Variants in SND1 observed in about 807,000 individuals in gnomAD.
SND1 encodes the protein staphylococcal nuclease domain-containing protein 1.
Under a neutral mutation model 121.7 loss-of-function variants are expected in SND1, and 38 were observed. The observed-to-expected ratio is 0.31, with a 90% CI of 0.24 to 0.41. SND1 has a LOEUF of 0.41. SND1 is among the 10% of genes least tolerant of loss of function. The pLI is 1.00. For synonymous variants in SND1, 401 were observed against 447.4 expected, an observed-to-expected ratio of 0.90 and a Z score of 1.31; for missense variants, 868 against 1,184.6, an observed-to-expected ratio of 0.73 and a Z score of 3.92.
intron 19 of SND1, 26 bp downstream of exon 19, chr7:128,084,873 GA>G: frequency 6.3e-7 from 1 of 1,581,594 alleles, no homozygotes; most frequent in Non-Finnish European, 8.6e-7. Flanking sequence ...AAGCAAGGCA[GA>G]GTCTTGAGCA....
chr7:128,048,447 C>G (rs1221165507), intron 16 of SND1, among the ~76,000 whole-genome samples: 1 of 152,076 alleles, frequency 6.6e-6, no homozygotes, highest in Non-Finnish European at 1.5e-5. Flanking sequence ...CCAGAGCAGG[C>G]CTCATGTATG....
At chr7:127,759,057 A>ATAG (rs111844615) in intron 10 of SND1, among the ~76,000 whole-genome samples, 4 of 145,390 alleles carry the variant, frequency 2.8e-5, no homozygotes, top group African/African-American at 7.7e-5. Flanking sequence ...CTGTCTCAAA[A>ATAG]ATAGATAGAT....
At chr7:128,031,151 G>T (rs986798998) in intron 16 of SND1, 1 of 152,708 alleles carries the variant, frequency 6.5e-6, no homozygotes, top group Non-Finnish European at 1.5e-5. Flanking sequence ...GCGCCTGGGA[G>T]AGCCAAGGCC....
intron 12 of SND1, among the ~76,000 whole-genome samples, chr7:127,850,931 A>AG (rs1799154463): frequency 6.6e-6 from 1 of 152,236 alleles, no homozygotes; most frequent in African/African-American, 2.4e-5. Context: ...CACTATAAGA[A>AG]GGAACTTGGC....
At chr7:127,928,932 A>G (rs1307522649) in intron 14 of SND1, among the ~76,000 whole-genome samples, 1 of 152,194 alleles carries the variant, frequency 6.6e-6, no homozygotes, top group African/African-American at 2.4e-5. Flanking sequence ...TTCTTGCCCC[A>G]GAGAACTCTG....
chr7:127,796,446 G>A (rs1208701894), intron 10 of SND1, among the ~76,000 whole-genome samples: 1 of 152,054 alleles, frequency 6.6e-6, no homozygotes, highest in Non-Finnish European at 1.5e-5. Flanking sequence ...GATATTTCTA[G>A]GAATGTGGCA....
intron 5 of SND1, 36 bp downstream of exon 5, chr7:127,701,359 G>A: frequency 6.3e-7 from 1 of 1,595,038 alleles, no homozygotes. Context: ...ACGACTCAGG[G>A]TGATTTCTTT....
At chr7:127,761,699 A>G (rs185549936) in intron 10 of SND1, among the ~76,000 whole-genome samples, 23 of 152,314 alleles carry the variant, frequency 1.5e-4, no homozygotes, top group South Asian at 6.2e-4. Context: ...CTTTATACCC[A>G]TCTTTCCTTG....
intron 16 of SND1, among the ~76,000 whole-genome samples, chr7:128,024,027 C>G (rs1315574307): frequency 6.7e-6 from 1 of 149,652 alleles, no homozygotes; most frequent in Non-Finnish European, 1.5e-5. Flanking sequence ...GGAAGACTGG[C>G]TACAGAGTCT....
intron 11 of SND1, among the ~76,000 whole-genome samples, chr7:127,823,843 T>A (rs115377354): frequency 6.0e-4 from 92 of 152,342 alleles, no homozygotes; most frequent in African/African-American, 2.0e-3. Context: ...ATTTAGATAA[T>A]ATTATAAAGT....
chr7:127,804,756 T>A (rs1028906649), intron 10 of SND1, among the ~76,000 whole-genome samples: 3 of 146,166 alleles, frequency 2.1e-5, no homozygotes, highest in East Asian at 2.1e-4. Context: ...AAAAAAAAAA[T>A]GTAGGTAAGT....
intron 15 of SND1, among the ~76,000 whole-genome samples, chr7:127,987,311 C>A (rs957225389): frequency 6.6e-6 from 1 of 152,198 alleles, no homozygotes; most frequent in Non-Finnish European, 1.5e-5. Context: ...TTATTTTTAA[C>A]GTCCATTTTA....
rs113629243 is a variant in SND1, at chr7:127,888,963, A to G, written c.1454+951A>G. Among the ~76,000 whole-genome samples the G allele has an allele frequency of 9.5e-3, 1,444 of 152,226 alleles. 6 individuals are homozygous for G. Among genetic ancestry groups the G allele is most frequent in the Admixed American group, 0.016 (249 of 15,278 alleles). ...GATCACTTCTCTTGCTCTTTGGCCC[A>G]TAACATTGCCCTGATATGTGACATT... On this transcript the variant is annotated intron_variant, in intron 13 of 23. Coordinates refer to ENST00000354725, the MANE Select transcript of SND1 (RefSeq NM_014390.4).
intron 12 of SND1, among the ~76,000 whole-genome samples, chr7:127,853,352 T>C (rs1799209688): frequency 6.6e-6 from 1 of 152,208 alleles, no homozygotes; most frequent in African/African-American, 2.4e-5. Flanking sequence ...AAGAAAAATC[T>C]GAGTATCTAA....
intron 15 of SND1, among the ~76,000 whole-genome samples, chr7:127,929,872 G>A (rs1800925248): frequency 6.6e-6 from 1 of 152,156 alleles, no homozygotes; most frequent in African/African-American, 2.4e-5. Flanking sequence ...TTGTGCTAAG[G>A]TTGACGTGCT....
In SND1 at chr7:127,822,510, A is replaced by AT. The variant is rs540799497; in HGVS notation, c.1242+14945dup. On this transcript the variant is annotated intron_variant, in intron 11 of 23. Transcript: ENST00000354725. ...ATTCTGTCTTTGTTTATGATACTGC[A>AT]TTTTTTTTGCTGTTTTGTTTTAAAT... 9.8e-4 allele frequency among the ~76,000 whole-genome samples: 149 copies of AT among 151,758 alleles called. 1 individual carries two copies. Among genetic ancestry groups the AT allele is most frequent in the East Asian group, 3.5e-3 (18 of 5,172 alleles).
chr7:127,877,841 T>C (rs1244721228), intron 12 of SND1, among the ~76,000 whole-genome samples: 1 of 151,720 alleles, frequency 6.6e-6, no homozygotes, highest in African/African-American at 2.4e-5. Flanking sequence ...GCTGGAGAGG[T>C]GTTTGTCAGG....
intron 10 of SND1, among the ~76,000 whole-genome samples, chr7:127,743,996 A>G (rs757417613): frequency 5.9e-5 from 9 of 152,188 alleles, no homozygotes; most frequent in Non-Finnish European, 8.8e-5. Flanking sequence ...TGCTAGTTCT[A>G]ATGAAGAACC....
Position 128,081,515 on chromosome 7 carries a change from C to T in SND1, c.2110+14C>T. ...ATGTGGAGACCGGTGAGTGCTCAGG[C>T]CGCTGGCTCGTGGTTCCTGGCTTGG... On this transcript the variant is annotated intron_variant, in intron 18 of 23. Transcript: ENST00000354725. The T allele has an allele frequency of 6.2e-6, 10 of 1,613,080 alleles. No individual in the cohort carries two copies. The highest frequency in any genetic ancestry group is 8.5e-6 in the Non-Finnish European group (10 of 1,179,742).
Sources: allele counts gnomAD v4.1 joint callset (sites outside exome capture counted in the v4.1 genomes callset), GRCh38; gene constraint gnomAD v4.1.1; transcripts MANE v1.5; gene names NCBI Gene and HGNC (gene_info 2026-07-23, HGNC 2026-07-21).